Variants in HMGXB3 observed in about 807,000 individuals in gnomAD.
HMGXB3 encodes the protein HMG domain-containing protein 3.
Under a neutral mutation model 121.5 loss-of-function variants are expected in HMGXB3, and 45 were observed. The ratio of observed to expected loss-of-function variants is 0.37; its 90% CI spans 0.29 to 0.47. HMGXB3 has a LOEUF of 0.47. Among genes scored for constraint, HMGXB3 ranks in the 20% least tolerant of loss-of-function variants. The probability of loss-of-function intolerance (pLI) is 0.99; values close to 1 mark genes in which losing one functional copy is unlikely to be tolerated. For synonymous variants in HMGXB3, 590 were observed against 624.1 expected (o/e 0.95, Z 0.81); for missense variants, 1,376 against 1,602.2 (o/e 0.86, Z 2.41).
intron 16 of HMGXB3, 59 bp downstream of exon 16, chr5:150,045,744 A>G (rs1280031868): frequency 1.5e-6 from 2 of 1,352,360 alleles, no homozygotes; most frequent in African/African-American, 1.5e-5. Context: ...AGTCTGGGAC[A>G]TTGTCCATGG....
intron 16 of HMGXB3, 44 bp downstream of exon 16, chr5:150,045,729 T>G (rs1212332887): frequency 7.5e-6 from 11 of 1,459,142 alleles, no homozygotes; most frequent in African/African-American, 1.4e-5. Flanking sequence ...AAGGGCTCAG[T>G]CAAGAGTCTG....
At chr5:150,045,967 T>C (rs1490513697) in intron 16 of HMGXB3, among the ~76,000 whole-genome samples, 4 of 152,218 alleles carry the variant, frequency 2.6e-5, no homozygotes, top group African/African-American at 9.6e-5. Flanking sequence ...TAAAAAATGC[T>C]GATAAGGCTC....
At chr5:150,011,218 T>G (rs977756193) in intron 4 of HMGXB3, among the ~76,000 whole-genome samples, 4 of 152,128 alleles carry the variant, frequency 2.6e-5, no homozygotes, top group Admixed American at 1.3e-4. Context: ...CAAGGCCAGG[T>G]TGATGGGACT....
rs1755878052 is a variant in HMGXB3 at position 150,012,928 on chromosome 5, C to T, written c.909+575C>T. 5.3e-5 allele frequency among the ~76,000 whole-genome samples: 8 copies of T among 152,142 alleles called. No individual in the cohort carries two copies. In the South Asian group the frequency reaches 1.7e-3, roughly 31 times the overall value. ...TAGTATATCGTAATACAATTGATTG[C>T]TTTGTATATTGGGCTTGTATTCTAC... On this transcript the variant is annotated intron_variant, in intron 5 of 19. Transcript: ENST00000502717.
chr5:150,014,982 A>C, intron 5 of HMGXB3: 1 of 923,354 alleles, frequency 1.1e-6, no homozygotes, highest in Non-Finnish European at 1.5e-6. Flanking sequence ...TCAAGCAGAA[A>C]CTGGCAGAAG....
At chr5:150,002,467 G>C (rs1200975126) in intron 1 of HMGXB3, among the ~76,000 whole-genome samples, 2 of 152,114 alleles carry the variant, frequency 1.3e-5, no homozygotes, top group African/African-American at 4.8e-5. Flanking sequence ...TAAATGAGAG[G>C]TGTGTGGGCT....
Position 150,004,865 on chromosome 5 carries a change from T to C in HMGXB3, c.13T>C (p.Tyr5His), listed in dbSNP as rs1027483568. The C allele has an allele frequency of 6.4e-7, 1 of 1,550,798 alleles. No individual in the cohort carries two copies. The highest frequency in any genetic ancestry group is 8.7e-7 in the Non-Finnish European group (1 of 1,146,494). Residue 5 changes from tyrosine to histidine, a missense_variant, in exon 2 of 20, where the codon TAT (tyrosine) becomes CAT (histidine). By Grantham distance (83) the Tyr-to-His change is moderately conservative. Transcript: ENST00000502717. ...CTTTCCTTTAGCCATGGACGCATCA[T>C]ATGATGGTACTGAGGTAACTGTCGT... MDAS[Y>H]DGTEVTVVME...
At chr5:150,047,033 C>T (rs115334497) in intron 16 of HMGXB3, among the ~76,000 whole-genome samples, 2,332 of 151,546 alleles carry the variant, frequency 0.015, 57 homozygotes, top group African/African-American at 0.053. Flanking sequence ...TATAGGCGCA[C>T]GCCACCACAC....
At chr5:150,028,594 T>C (rs1334137832) in intron 9 of HMGXB3, among the ~76,000 whole-genome samples, 1 of 139,628 alleles carries the variant, frequency 7.2e-6, no homozygotes, top group East Asian at 2.1e-4. Flanking sequence ...AGAAACAAGG[T>C]CTTGCTTTGT....
At chr5:150,006,695 A>T (rs1262212557) in intron 3 of HMGXB3, 48 bp downstream of exon 3, 4 of 1,496,900 alleles carry the variant, frequency 2.7e-6, no homozygotes, top group Non-Finnish European at 3.6e-6. Context: ...TTCAGTGATG[A>T]AGGCCTTGGG....
Position 150,052,067 on chromosome 5 carries a change from G to A in HMGXB3, c.3754G>A (p.Val1252Ile), listed in dbSNP as rs761967170. Residue 1252 changes from valine to isoleucine, a missense_variant, in exon 20 of 20, where the codon GTA (valine) becomes ATA (isoleucine). Val to Ile is a conservative substitution (Grantham distance 29, BLOSUM62 3). Around this residue, in one of 2 missense-constraint regions of HMGXB3, gnomAD observed 260 missense variants for 233.2 expected, o/e 1.11. Coordinates refer to ENST00000502717, the MANE Select transcript of HMGXB3 (RefSeq NM_014983.3). ...TGTCAATCGTCAGATCCATGACATT[G>A]TACAGAGCTGCCAGCCTGGTGAGGT... ...EIVNRQIHDI[V>I]QSCQPGEVVI... The A allele has an allele frequency of 1.9e-5, 30 of 1,551,804 alleles. No homozygotes were observed. Among genetic ancestry groups the A allele is most frequent in the Middle Eastern group, 1.7e-4 (1 of 6,014 alleles).
chr5:150,045,675 G>A lies in HMGXB3; in HGVS notation c.2940G>A (p.Gln980=). ...NTEKDKNLDV[Q]PVPGSGSALV... ...AGAAAGACAAAAACCTGGATGTGCAGCCAGTACCTGGTAAGGCCACCTGGT... is the reference window on the plus strand; with the variant it reads ...AGAAAGACAAAAACCTGGATGTGCAACCAGTACCTGGTAAGGCCACCTGGT... Residue 980 remains glutamine (Q), a synonymous_variant, in exon 16 of 20, where the codon CAG becomes CAA. Transcript: ENST00000502717. 1 of 1,551,720 alleles carries A rather than the reference G, an allele frequency of 6.4e-7. No homozygotes were observed. The highest frequency in any genetic ancestry group is 2.4e-5 in the East Asian group (1 of 40,928).
At chr5:150,047,587 G>A (rs1047378114) in intron 16 of HMGXB3, 37 bp from the exon 17 acceptor site, 24 of 1,550,416 alleles carry the variant, frequency 1.5e-5, no homozygotes, top group Admixed American at 1.4e-4. Flanking sequence ...GGTGACTGGC[G>A]GCAGCACCCT....
intron 19 of HMGXB3, among the ~76,000 whole-genome samples, chr5:150,051,327 G>T (rs955250977): frequency 2.6e-5 from 4 of 152,198 alleles, no homozygotes; most frequent in African/African-American, 7.2e-5. Context: ...TGCATTATAG[G>T]AAGTGAAGGC....
intron 9 of HMGXB3, 66 bp from the exon 10 acceptor site, chr5:150,030,675 A>G: frequency 1.7e-6 from 2 of 1,204,010 alleles, no homozygotes; most frequent in South Asian, 2.6e-5. Flanking sequence ...AAGTCGTTTC[A>G]GGACATGGGA....
At chr5:150,021,873 T>C (rs142904885) in intron 6 of HMGXB3, 3 of 511,524 alleles carry the variant, frequency 5.9e-6, no homozygotes, top group African/African-American at 5.8e-5. Flanking sequence ...ATTCGGTGAA[T>C]TGCCACCTCC....
intron 5 of HMGXB3, among the ~76,000 whole-genome samples, chr5:150,016,371 A>T (rs1345477015): frequency 6.7e-6 from 1 of 149,342 alleles, no homozygotes; most frequent in Non-Finnish European, 1.5e-5. Flanking sequence ...AGGAGGTGAC[A>T]TTTAACTATC....
intron 19 of HMGXB3, 130 bp from the exon 20 acceptor site, chr5:150,051,595 C>T (rs1756898936): frequency 2.7e-6 from 2 of 748,796 alleles, no homozygotes; most frequent in South Asian, 1.9e-5. Context: ...AGGGGTTGGC[C>T]TAGGAGACAC....
rs1416559913 is a variant in HMGXB3, at chr5:150,024,170, A to C, written c.1042-92A>C. ...TTCATGGACCTTAGTTTCCTTATTT[A>C]TTGCCCATATGTTATTAAAAATGAG... On this transcript the variant is annotated intron_variant, in intron 6 of 19. Transcript: ENST00000502717. 48 of 1,017,308 alleles carry C rather than the reference A, an allele frequency of 4.7e-5. No individual in the cohort carries two copies. In the East Asian group the frequency reaches 1.3e-3, roughly 27 times the overall value. The allele number at this position is 1,017,308 out of a possible 1,614,324, so 63.0% of individuals were successfully genotyped here. A position where few individuals can be genotyped will look rare whatever the true frequency, so the allele number is the denominator to read the frequency against.
Sources: gnomAD v4.1 joint callset for allele counts (sites outside exome capture counted in the v4.1 genomes callset) on GRCh38, gnomAD v4.1.1 for gene constraint, gnomAD v4.1.1 regional missense constraint, MANE v1.5 for transcripts, NCBI Gene and HGNC (gene_info 2026-07-23, HGNC 2026-07-21) for gene names.